CPZ: variants seen among roughly 807,000 people sequenced by gnomAD.
CPZ encodes carboxypeptidase Z.
A neutral mutation model predicts 61.8 loss-of-function variants in CPZ; 103 were observed. The observed-to-expected ratio is 1.67, with a 90% CI of 1.42 to 1.96. The LOEUF (loss-of-function observed/expected upper bound fraction) is 1.96, where lower values mean the gene tolerates loss of function less well. Among genes scored for constraint, CPZ ranks in the 30% most tolerant of loss-of-function variants. The pLI, the probability that CPZ is intolerant of heterozygous loss-of-function variation, is 0.00. For synonymous variants in CPZ, 551 were observed against 373.7 expected (o/e 1.47, Z -5.47); for missense variants, 1,461 against 914.9 (o/e 1.60, Z -7.70).
chr4:8,599,420 A>C, intron 1 of CPZ, 33 bp from the exon 2 acceptor site: 3 of 1,578,790 alleles, frequency 1.9e-6, no homozygotes, highest in Non-Finnish European at 2.6e-6. Context: ...ATGGCGAGGC[A>C]GGTCCCTAAC....
intron 10 of CPZ, 101 bp from the exon 11 acceptor site, chr4:8,619,161 G>T (rs1466208738): frequency 6.8e-6 from 7 of 1,022,790 alleles, no homozygotes; most frequent in Non-Finnish European, 9.9e-6. Context: ...TTTGGCGCCT[G>T]CCTCCCATGC....
At chr4:8,603,610 C>T (rs188089279) in intron 3 of CPZ, 10 of 287,956 alleles carry the variant, frequency 3.5e-5, no homozygotes, top group African/African-American at 1.6e-4. Flanking sequence ...ATGGAAAACA[C>T]GCCCAGGAAA....
In CPZ at chr4:8,619,734, A is replaced by C. The variant is rs1325701521; in HGVS notation, c.*117A>C. On this transcript the variant is annotated 3_prime_UTR_variant, in exon 11 of 11. Transcript: ENST00000360986. ...CCACAAAGCCGCTGCCATTTTATTA[A>C]AGTGTTTTGATCCACTTTGCACTGG... The C allele has an allele frequency of 1.2e-6, 1 of 802,520 alleles. No homozygotes were observed. Among genetic ancestry groups the C allele is most frequent in the Non-Finnish European group, 1.8e-6 (1 of 543,408 alleles). 49.7% of individuals were successfully genotyped at this position (802,520 alleles called of 1,614,324 possible).
chr4:8,618,494 CTCAG>C lies in CPZ; in HGVS notation c.1573_1576del (p.Val525LysfsTer46), dbSNP rs756903292. 2.9e-5 allele frequency: 46 copies of C among 1,614,028 alleles called. No homozygotes were observed. Among genetic ancestry groups the C allele is most frequent in the Middle Eastern group, 1.6e-4 (1 of 6,084 alleles). On this transcript the variant is annotated frameshift_variant, in exon 10 of 11. Coordinates refer to ENST00000360986, the MANE Select transcript of CPZ (RefSeq NM_001014447.3). LOFTEE classifies it low-confidence loss of function (END_TRUNC). ...GCAAGCCAGTCAAAAACGCCCGGAT[CTCAG>C]TCAAAGGCATTCGCCACGACATCAC...
At chr4:8,608,501 CCCCTCCCTGTCCTGGGG>C (rs1236725729) in intron 7 of CPZ, among the ~76,000 whole-genome samples, 1 of 152,172 alleles carries the variant, frequency 6.6e-6, no homozygotes, top group Non-Finnish European at 1.5e-5. Flanking sequence ...CTCACCTGGG[CCCCTCCCTGTCCTGGGG>C]CCATCATTGG....
At chr4:8,609,790 T>G (rs1715496077) in intron 7 of CPZ, among the ~76,000 whole-genome samples, 1 of 152,204 alleles carries the variant, frequency 6.6e-6, no homozygotes, top group Admixed American at 6.5e-5. Flanking sequence ...CCATCAATCA[T>G]CGGGCAGTGA....
At chr4:8,599,520 T>C (rs1714418025) in intron 2 of CPZ, 35 bp downstream of exon 2, 1 of 1,612,084 alleles carries the variant, frequency 6.2e-7, no homozygotes, top group Admixed American at 1.7e-5. Context: ...TTCTGTTCTG[T>C]AGGAGGGCTG....
At chr4:8,595,402 C>G (rs962682321) in intron 1 of CPZ, among the ~76,000 whole-genome samples, 1 of 152,234 alleles carries the variant, frequency 6.6e-6, no homozygotes, top group Non-Finnish European at 1.5e-5. Flanking sequence ...AATAGCCTAA[C>G]CAGCCACAGT....
At chr4:8,614,524 T>A in intron 9 of CPZ, 26 bp downstream of exon 9, 1 of 1,608,446 alleles carries the variant, frequency 6.2e-7, no homozygotes, top group Non-Finnish European at 8.5e-7. Flanking sequence ...CTCAGGGCTC[T>A]GGTCCAGCTG....
intron 8 of CPZ, among the ~76,000 whole-genome samples, chr4:8,612,931 ACT>A (rs1188638918): frequency 6.6e-6 from 1 of 152,020 alleles, no homozygotes; most frequent in African/African-American, 2.4e-5. Context: ...CTTCTTGCAC[ACT>A]CTGAAGCCAT....
At chr4:8,599,341 G>C (rs557318537) in intron 1 of CPZ, 112 bp from the exon 2 acceptor site, 1 of 1,279,296 alleles carries the variant, frequency 7.8e-7, no homozygotes, top group African/African-American at 1.5e-5. Flanking sequence ...TGGAGCTGGC[G>C]GAGGGTGGCC....
intron 6 of CPZ, 126 bp downstream of exon 6, chr4:8,607,024 T>G (rs1003946041): frequency 1.7e-6 from 2 of 1,192,298 alleles, no homozygotes. Context: ...CTGCCTCAGT[T>G]ACCTGTCTGT....
intron 1 of CPZ, among the ~76,000 whole-genome samples, chr4:8,594,232 G>A (rs3775883): frequency 0.62 from 94,815 of 152,052 alleles, 30,501 homozygotes; most frequent in Admixed American, 0.77. Context: ...GGACGAGTGT[G>A]GAAGTCAAGG....
At chr4:8,598,218 G>C (rs180954557) in intron 1 of CPZ, among the ~76,000 whole-genome samples, 2 of 152,242 alleles carry the variant, frequency 1.3e-5, no homozygotes, top group Admixed American at 6.5e-5. Context: ...TGAGCTGAAT[G>C]GTGTAGGGAT....
At position 8,593,036 on chromosome 4, in the gene CPZ, G is replaced by A. The variant is rs116803760; in HGVS notation, c.88+115G>A. ...TCTTCCAGTAGGTCACGCGCCTATG[G>A]TCCTGGCGAGAACGTCTCCAAAGTG... On this transcript the variant is annotated intron_variant, in intron 1 of 10. Coordinates refer to ENST00000360986, the MANE Select transcript of CPZ (RefSeq NM_001014447.3). 1,937 of 793,140 alleles carry A rather than the reference G, an allele frequency of 2.4e-3. 37 individuals are homozygous for A. In the African/African-American group the frequency reaches 0.03, roughly 12 times the overall value. 49.1% of individuals were successfully genotyped at this position (793,140 alleles called of 1,614,324 possible).
At chr4:8,599,666 G>C (rs1714430481) in intron 2 of CPZ, 181 bp downstream of exon 2, 2 of 1,428,146 alleles carry the variant, frequency 1.4e-6, no homozygotes, top group Non-Finnish European at 1.8e-6. Context: ...AACAAAAAAA[G>C]ACCAGCTAGG....
At chr4:8,608,375 G>A (rs1401320873) in intron 7 of CPZ, among the ~76,000 whole-genome samples, 2 of 152,182 alleles carry the variant, frequency 1.3e-5, no homozygotes, top group Non-Finnish European at 2.9e-5. Flanking sequence ...GGGTGGGCAA[G>A]TGCCAGGTGC....
chr4:8,619,213 C>A (rs1472711484), intron 10 of CPZ, 49 bp from the exon 11 acceptor site: 23 of 1,489,656 alleles, frequency 1.5e-5, no homozygotes, highest in Non-Finnish European at 2.0e-5. Flanking sequence ...CACCCCGTGG[C>A]TGGGTCTGCA....
chr4:8,613,594 G>T (rs1025541602), intron 8 of CPZ, among the ~76,000 whole-genome samples: 1 of 152,210 alleles, frequency 6.6e-6, no homozygotes, highest in African/African-American at 2.4e-5. Context: ...TCAGAAGGGC[G>T]TGGGCTCCCT....
Sources: gnomAD v4.1 joint callset for allele counts (sites outside exome capture counted in the v4.1 genomes callset) on GRCh38, gnomAD v4.1.1 for gene constraint, MANE v1.5 for transcripts, NCBI Gene and HGNC (gene_info 2026-07-23, HGNC 2026-07-21) for gene names.